Variants in TM4SF5 observed in about 807,000 individuals in gnomAD.
TM4SF5 encodes transmembrane 4 L six family member 5.
Under a neutral mutation model 22.3 loss-of-function variants are expected in TM4SF5, and 16 were observed. That is an observed-to-expected ratio of 0.72 (90% CI 0.49 to 1.09). The LOEUF is 1.09. Among genes scored for constraint, TM4SF5 ranks in the 50% least tolerant of loss-of-function variants. The pLI is 0.00. For missense variants in TM4SF5, 249 were observed against 266.1 expected (o/e 0.94, Z 0.45); for synonymous variants, 113 against 109.6 (o/e 1.03, Z -0.19).
chr17:4,783,081 C>T (rs754647522), intron 4 of TM4SF5, 33 bp from the exon 5 acceptor site: 7 of 1,614,180 alleles, frequency 4.3e-6, no homozygotes, highest in South Asian at 1.1e-5. Flanking sequence ...CCTGCCTGGT[C>T]CTGGCTGCGT....
chr17:4,776,741 C>G (rs2085987085), intron 1 of TM4SF5, among the ~76,000 whole-genome samples: 1 of 152,178 alleles, frequency 6.6e-6, no homozygotes, highest in South Asian at 2.1e-4. Context: ...AGTAAAACTG[C>G]TGATTCTTAA....
chr17:4,777,474 C>T (rs1160674699), intron 1 of TM4SF5, among the ~76,000 whole-genome samples: 2 of 152,158 alleles, frequency 1.3e-5, no homozygotes, highest in Non-Finnish European at 2.9e-5. Flanking sequence ...TGTGGTGGCT[C>T]ATGCCTGTAA....
At chr17:4,780,932 C>T (rs1044267310) in intron 2 of TM4SF5, 63 bp downstream of exon 2, 9 of 1,433,874 alleles carry the variant, frequency 6.3e-6, no homozygotes, top group Admixed American at 1.8e-5. Flanking sequence ...GTAATCCCAA[C>T]ACTTTAGCAG....
In TM4SF5 at chr17:4,782,355, AG is replaced by A; in HGVS notation, c.259-144del. ...CAGCCTCCCAAAGTGCTGAGATTACAGGGGTGAGCCACCGCGCCCGGCATTA... is the reference window on the plus strand; with the variant it reads ...CAGCCTCCCAAAGTGCTGAGATTACAGGGTGAGCCACCGCGCCCGGCATTA... On this transcript the variant is annotated intron_variant, in intron 2 of 4. Coordinates refer to ENST00000270560, the MANE Select transcript of TM4SF5 (RefSeq NM_003963.3). 5.5e-6 allele frequency: 5 copies of A among 904,578 alleles called. 1 individual carries two copies. The South Asian group carries it at 7.9e-5, about 14-fold the overall frequency. The allele number at this position is 904,578 out of a possible 1,614,324, so 56.0% of individuals were successfully genotyped here.
intron 2 of TM4SF5, among the ~76,000 whole-genome samples, chr17:4,781,216 G>A (rs979731653): frequency 2.0e-5 from 3 of 151,544 alleles, no homozygotes; most frequent in Admixed American, 6.6e-5. Flanking sequence ...TGTAATCCCA[G>A]CTACTCAGGA....
intron 2 of TM4SF5, among the ~76,000 whole-genome samples, chr17:4,781,369 G>A (rs1917307861): frequency 6.6e-6 from 1 of 151,686 alleles, no homozygotes; most frequent in Non-Finnish European, 1.5e-5. Context: ...TTAGCCTGGT[G>A]TGGTGGTGGG....
intron 1 of TM4SF5, among the ~76,000 whole-genome samples, chr17:4,778,716 G>A (rs1469683358): frequency 2.6e-5 from 4 of 152,098 alleles, no homozygotes; most frequent in South Asian, 4.1e-4. Context: ...TAAAGGTAAC[G>A]GAGCCAGATG....
chr17:4,780,740 C>A (rs1597299347), intron 1 of TM4SF5, 49 bp from the exon 2 acceptor site: 2 of 1,522,482 alleles, frequency 1.3e-6, no homozygotes, highest in East Asian at 2.3e-5. Flanking sequence ...GCAAGTCAGG[C>A]CTGGAGGATC....
At chr17:4,780,693 C>A in intron 1 of TM4SF5, 96 bp from the exon 2 acceptor site, 1 of 918,246 alleles carries the variant, frequency 1.1e-6, no homozygotes, top group Non-Finnish European at 1.7e-6. Flanking sequence ...GGGCTGAAGG[C>A]ATCACAGGCA....
intron 1 of TM4SF5, 26 bp downstream of exon 1, chr17:4,772,125 G>A: frequency 1.9e-6 from 3 of 1,613,684 alleles, no homozygotes; most frequent in Non-Finnish European, 8.5e-7. Context: ...GGGGAGCCCG[G>A]GCCAGCTGGC....
In TM4SF5 at chr17:4,783,046, T is replaced by A. The variant is rs3853644; in HGVS notation, c.579+9T>A. The A allele has an allele frequency of 1.2e-6, 2 of 1,614,038 alleles. No individual in the cohort carries two copies. Among genetic ancestry groups the A allele is most frequent in the African/African-American group, 1.3e-5 (1 of 74,878 alleles). ...ATTGCAGGAAAAAACAGGTGAAATT[T>A]CTTGCGGTGGAGTTGTAGAGGGAAC... On this transcript the variant is annotated intron_variant, in intron 4 of 4. Transcript: ENST00000270560.
intron 1 of TM4SF5, among the ~76,000 whole-genome samples, chr17:4,776,350 G>A (rs1444343424): frequency 2.6e-5 from 4 of 151,608 alleles, no homozygotes; most frequent in African/African-American, 9.7e-5. Flanking sequence ...CACCCAGGCT[G>A]GAGTACAATG....
intron 1 of TM4SF5, among the ~76,000 whole-genome samples, chr17:4,778,917 C>T (rs1030677200): frequency 2.0e-5 from 3 of 151,740 alleles, no homozygotes; most frequent in South Asian, 2.1e-4. Flanking sequence ...ATTAGCCCGG[C>T]GTGGTGGCAT....
chr17:4,779,172 T>A (rs1482093054), intron 1 of TM4SF5, among the ~76,000 whole-genome samples: 1 of 152,116 alleles, frequency 6.6e-6, no homozygotes, highest in Non-Finnish European at 1.5e-5. Flanking sequence ...ATGCAGTGAC[T>A]TACACCTGTA....
At chr17:4,773,324 C>T (rs955163140) in intron 1 of TM4SF5, among the ~76,000 whole-genome samples, 3 of 152,162 alleles carry the variant, frequency 2.0e-5, no homozygotes, top group African/African-American at 2.4e-5. Flanking sequence ...TGAGCCACCA[C>T]GCCTGGCCAA....
intron 1 of TM4SF5, among the ~76,000 whole-genome samples, chr17:4,779,655 T>G (rs1917265290): frequency 6.6e-6 from 1 of 152,202 alleles, no homozygotes; most frequent in African/African-American, 2.4e-5. Context: ...CTTTCCAGCC[T>G]GGCTGACCTA....
intron 1 of TM4SF5, among the ~76,000 whole-genome samples, chr17:4,774,240 T>G (rs1035385514): frequency 4.7e-5 from 7 of 149,902 alleles, no homozygotes; most frequent in African/African-American, 1.7e-4. Context: ...AAATAAGCAC[T>G]GCTGTATATC....
At position 4,782,526 on chromosome 17, in the gene TM4SF5, G is replaced by A. The variant is rs368661513; in HGVS notation, c.282G>A (p.Ser94=). Residue 94 remains serine, a synonymous_variant, in exon 3 of 5, where the codon TCG becomes TCA. Coordinates refer to ENST00000270560, the MANE Select transcript of TM4SF5 (RefSeq NM_003963.3). ...RCRMLRSVFS[S]AFGVLGAIYC... is the part of the protein sequence containing the mutation. The stretch of plus-strand genomic sequence containing the variant: ...AGATGCTGCGCTCGGTCTTCTCCTC[G>A]GCGTTCGGGGTGCTTGGTGCCATCT... 1.0e-4 allele frequency: 166 copies of A among 1,613,956 alleles called. 1 individual carries two copies. Among genetic ancestry groups the A allele is most frequent in the Middle Eastern group, 6.6e-4 (4 of 6,062 alleles).
intron 3 of TM4SF5, 63 bp downstream of exon 3, chr17:4,782,702 T>C: frequency 6.2e-7 from 1 of 1,601,646 alleles, no homozygotes; most frequent in Non-Finnish European, 8.5e-7. Context: ...CCTTCCCCCG[T>C]GGACTGGGAC....
Sources: allele counts gnomAD v4.1 joint callset (sites outside exome capture counted in the v4.1 genomes callset), GRCh38; gene constraint gnomAD v4.1.1; transcripts MANE v1.5; gene names NCBI Gene and HGNC (gene_info 2026-07-23, HGNC 2026-07-21).